Variants in HARBI1 observed in about 807,000 individuals in gnomAD.
HARBI1 encodes the protein putative nuclease HARBI1.
A neutral mutation model predicts 25.3 loss-of-function variants in HARBI1; 15 were observed. The observed-to-expected ratio is 0.59, with a 90% confidence interval of 0.40 to 0.91. The LOEUF (loss-of-function observed/expected upper bound fraction) is 0.91, where lower values mean the gene tolerates loss of function less well. Among genes scored for constraint, HARBI1 ranks in the 40% least tolerant of loss-of-function variants. The pLI is 0.00. For synonymous variants in HARBI1, 168 were observed against 160.5 expected, an observed-to-expected ratio of 1.05 and a Z score of -0.35; for missense variants, 396 against 445.8, an observed-to-expected ratio of 0.89 and a Z score of 1.01.
chr11:46,616,851 A>AAAC, intron 1 of HARBI1: 2 of 971,482 alleles, frequency 2.1e-6, no homozygotes, highest in Non-Finnish European at 2.4e-6. Flanking sequence ...AAAAAAAAAA[A>AAAC]AAAAAAAAAA....
At chr11:46,604,053 A>G (rs969540617) in intron 2 of HARBI1, 144 bp from the exon 3 acceptor site, 14 of 1,406,942 alleles carry the variant, frequency 1.0e-5, no homozygotes, top group Non-Finnish European at 1.3e-5. Flanking sequence ...CAAGCGGAAA[A>G]TGCTATGGTA....
intron 2 of HARBI1, among the ~76,000 whole-genome samples, chr11:46,607,842 A>G (rs1469992756): frequency 6.6e-6 from 1 of 150,946 alleles, no homozygotes; most frequent in Non-Finnish European, 1.5e-5. Flanking sequence ...AGGGGAATTT[A>G]GATAATGCAT....
chr11:46,617,595 G>C (rs983580939), upstream of HARBI1: 18 of 308,634 alleles, frequency 5.8e-5, no homozygotes, highest in African/African-American at 3.6e-4. Context: ...AACGATGGCG[G>C]CGCCGGGAAG....
chr11:46,609,843 T>A (rs374567861), intron 2 of HARBI1, among the ~76,000 whole-genome samples: 7 of 143,540 alleles, frequency 4.9e-5, no homozygotes, highest in Non-Finnish European at 9.2e-5. Context: ...AATAAATAAA[T>A]AAAAGAATTT....
intron 2 of HARBI1, among the ~76,000 whole-genome samples, chr11:46,611,629 T>C (rs1009651782): frequency 6.6e-5 from 10 of 151,382 alleles, no homozygotes; most frequent in African/African-American, 1.9e-4. Context: ...GAGGATCAAT[T>C]GAGCCCAGGA....
chr11:46,608,604 C>T (rs926998411), intron 2 of HARBI1, among the ~76,000 whole-genome samples: 4 of 151,900 alleles, frequency 2.6e-5, no homozygotes, highest in African/African-American at 4.8e-5. Context: ...CGCCACCATG[C>T]CTGGCAATTA....
intron 2 of HARBI1, among the ~76,000 whole-genome samples, chr11:46,609,850 ATTTTTT>A (rs750558478): frequency 8.0e-6 from 1 of 124,940 alleles, no homozygotes; most frequent in East Asian, 2.2e-4. Context: ...AAATAAAAGA[ATTTTTT>A]TTTTTTTTTT....
Position 46,616,331 on chromosome 11 carries a change from A to G in HARBI1, c.-94T>C. 1 of 1,507,476 alleles carries G rather than the reference A, an allele frequency of 6.6e-7. No homozygotes were observed. The highest frequency in any genetic ancestry group is 8.8e-7 in the Non-Finnish European group (1 of 1,137,588). The allele number at this position is 1,507,476 out of a possible 1,614,324, so 93.4% of individuals were successfully genotyped here. ...GAACGTATTTTTAAGAAAGTATCAG[A>G]ATCCAACAGCTAACCACAGTTAAAT... On this transcript the variant is annotated 5_prime_UTR_variant, in exon 2 of 3. Coordinates refer to ENST00000326737, the MANE Select transcript of HARBI1 (RefSeq NM_173811.4).
chr11:46,605,112 C>T (rs1347953091), intron 2 of HARBI1, among the ~76,000 whole-genome samples: 1 of 152,126 alleles, frequency 6.6e-6, no homozygotes, highest in Admixed American at 6.5e-5. Context: ...GTTTGCATAC[C>T]ACTGTGTTCC....
In HARBI1 at chr11:46,616,189, G is replaced by C. The variant is rs753077232; in HGVS notation, c.49C>G (p.Arg17Gly). Residue 17 changes from arginine to glycine, a missense_variant, in exon 2 of 3, where the codon CGT becomes GGT. Coordinates refer to ENST00000326737, the MANE Select transcript of HARBI1 (RefSeq NM_173811.4). ...VLDCDLLLYGRGHRTLDRFKL... is the reference protein window; with the variant it reads ...VLDCDLLLYGGGHRTLDRFKL... ...AAACGGTCCAATGTCCGGTGACCAC[G>C]GCCATATAGCAAGAGGTCACAGTCA... 6.2e-7 allele frequency: 1 copy of C among 1,612,954 alleles called. No homozygotes were observed. The highest frequency in any genetic ancestry group is 8.5e-7 in the Non-Finnish European group (1 of 1,180,032).
chr11:46,614,167 C>T (rs1218288674), intron 2 of HARBI1, among the ~76,000 whole-genome samples: 1 of 151,432 alleles, frequency 6.6e-6, no homozygotes, highest in African/African-American at 2.4e-5. Context: ...GTGGCTCACG[C>T]CTGTAATCCC....
chr11:46,610,346 A>AATATATAT (rs111841155), intron 2 of HARBI1, among the ~76,000 whole-genome samples: 5 of 144,800 alleles, frequency 3.5e-5, no homozygotes, highest in African/African-American at 1.3e-4. Flanking sequence ...GTATGTATAT[A>AATATATAT]ATATATATAT....
chr11:46,615,682 G>A lies in HARBI1; in HGVS notation c.556C>T (p.Leu186=), dbSNP rs1591264916. Residue 186 remains leucine, a synonymous_variant, in exon 2 of 3, where the codon CTA becomes TTA. Transcript: ENST00000326737. ...GGCCAGTTTGTCTCCACGGTCATTA[G>A]TGTCCCTCTAATGTCACACACCATC... The part of the protein sequence containing the change: ...CLMVCDIRGT[L]MTVETNWPGS... 1 of 1,614,204 alleles carries A rather than the reference G, an allele frequency of 6.2e-7. No individual in the cohort carries two copies.
chr11:46,616,859 A>AAAAAC, intron 1 of HARBI1: 1 of 953,272 alleles, frequency 1.0e-6, no homozygotes, highest in Non-Finnish European at 1.2e-6. Flanking sequence ...AAAAAAAAAA[A>AAAAAC]AAACAACCAA....
chr11:46,609,910 T>C (rs1223077532), intron 2 of HARBI1, among the ~76,000 whole-genome samples: 2 of 146,988 alleles, frequency 1.4e-5, no homozygotes, highest in African/African-American at 5.0e-5. Flanking sequence ...TAGAGTGCAA[T>C]GGTGCAATCT....
chr11:46,604,586 A>T, intron 2 of HARBI1: 2 of 985,402 alleles, frequency 2.0e-6, no homozygotes, highest in African/African-American at 3.5e-5. Context: ...GGGAAGTCTT[A>T]ACTTTACCCT....
intron 2 of HARBI1, among the ~76,000 whole-genome samples, chr11:46,608,590 C>A (rs117766417): frequency 6.6e-6 from 1 of 151,612 alleles, no homozygotes; most frequent in Admixed American, 6.6e-5. Context: ...GGACTACAGG[C>A]ACACGCCACC....
intron 2 of HARBI1, among the ~76,000 whole-genome samples, chr11:46,613,898 T>C (rs1350950868): frequency 1.3e-5 from 2 of 152,066 alleles, no homozygotes; most frequent in Admixed American, 6.6e-5. Context: ...CTCGAGCTCC[T>C]GGATTCAAGT....
At chr11:46,606,110 T>G (rs1352180156) in intron 2 of HARBI1, among the ~76,000 whole-genome samples, 1 of 152,018 alleles carries the variant, frequency 6.6e-6, no homozygotes, top group East Asian at 1.9e-4. Context: ...GGTCTCAAAC[T>G]CCTGACCTCA....
Sources: gnomAD v4.1 joint callset for allele counts (sites outside exome capture counted in the v4.1 genomes callset) on GRCh38, gnomAD v4.1.1 for gene constraint, MANE v1.5 for transcripts, NCBI Gene and HGNC (gene_info 2026-07-23, HGNC 2026-07-21) for gene names.